Variants in FSIP1 observed in about 807,000 individuals in gnomAD.
FSIP1 encodes the protein fibrous sheath-interacting protein 1.
A neutral mutation model predicts 60.9 loss-of-function variants in FSIP1; 65 were observed. The ratio of observed to expected loss-of-function variants is 1.07; its 90% confidence interval spans 0.87 to 1.31. FSIP1 has a LOEUF of 1.31. Among genes scored for constraint, FSIP1 ranks in the 40% most tolerant of loss-of-function variants. FSIP1 has a pLI of 0.00. For synonymous variants in FSIP1, 209 were observed against 221.2 expected (o/e 0.94, Z 0.49); for missense variants, 675 against 665.5 (o/e 1.01, Z -0.16).
intron 2 of FSIP1, among the ~76,000 whole-genome samples, chr15:39,773,810 A>G (rs1018654382): frequency 6.6e-6 from 1 of 152,218 alleles, no homozygotes; most frequent in African/African-American, 2.4e-5. Context: ...CTGGAAAAGG[A>G]AAAAGAAGAG....
chr15:39,767,244 T>A (rs1229393019), intron 3 of FSIP1, among the ~76,000 whole-genome samples: 1 of 152,232 alleles, frequency 6.6e-6, no homozygotes. Flanking sequence ...TTATTGCTTA[T>A]GTACTTCAAA....
At chr15:39,612,353 G>A (rs538622870) in intron 11 of FSIP1, among the ~76,000 whole-genome samples, 1 of 152,184 alleles carries the variant, frequency 6.6e-6, no homozygotes, top group East Asian at 1.9e-4. Flanking sequence ...AAATCTTGGT[G>A]AATTCACAAA....
chr15:39,613,014 T>C (rs1469446975), intron 11 of FSIP1, among the ~76,000 whole-genome samples: 1 of 151,780 alleles, frequency 6.6e-6, no homozygotes, highest in African/African-American at 2.4e-5. Flanking sequence ...GAAAAAAATA[T>C]CAGAATATAT....
intron 5 of FSIP1, among the ~76,000 whole-genome samples, chr15:39,744,336 T>G (rs1482577943): frequency 6.6e-6 from 1 of 152,114 alleles, no homozygotes; most frequent in Non-Finnish European, 1.5e-5. Context: ...CATTGATGAT[T>G]GAGCAAGTTT....
chr15:39,603,034 A>G (rs1196585506), intron 11 of FSIP1, among the ~76,000 whole-genome samples: 1 of 152,222 alleles, frequency 6.6e-6, no homozygotes, highest in Non-Finnish European at 1.5e-5. Context: ...TGCAGAGGAC[A>G]CTACTGACAT....
chr15:39,740,525 C>T lies in FSIP1; in HGVS notation c.656-736G>A, dbSNP rs150739635. Reference sequence around the variant, plus strand: ...TTCATTAAAGCTCTGAAAATATGCACGAAGAAGGAATGTCTCCTTATACAA... The same window carrying T: ...TTCATTAAAGCTCTGAAAATATGCATGAAGAAGGAATGTCTCCTTATACAA... On this transcript the variant is annotated intron_variant, in intron 6 of 11. Transcript: ENST00000350221. Among the ~76,000 whole-genome samples, 469 of 152,202 alleles carry T rather than the reference C, an allele frequency of 3.1e-3. 2 individuals carry two copies. Among genetic ancestry groups the T allele is most frequent in the African/African-American group, 0.01 (435 of 41,530 alleles).
chr15:39,698,805 C>G, intron 10 of FSIP1, among the ~76,000 whole-genome samples: 1 of 152,170 alleles, frequency 6.6e-6, no homozygotes, highest in East Asian at 1.9e-4. Context: ...CCCAGTGCAC[C>G]AGGAGGAATG....
chr15:39,622,776 C>T (rs1297491722), intron 10 of FSIP1, among the ~76,000 whole-genome samples: 1 of 152,174 alleles, frequency 6.6e-6, no homozygotes, highest in Admixed American at 6.5e-5. Context: ...AGTGTCTAGC[C>T]ACATGGCTAC....
intron 11 of FSIP1, 52 bp downstream of exon 11, chr15:39,617,683 T>G: frequency 6.8e-7 from 1 of 1,480,796 alleles, no homozygotes; most frequent in Non-Finnish European, 9.2e-7. Context: ...TACCTTTATA[T>G]TGAGGTGCTT....
At chr15:39,649,810 C>T (rs1049771015) in intron 10 of FSIP1, among the ~76,000 whole-genome samples, 3 of 152,216 alleles carry the variant, frequency 2.0e-5, no homozygotes, top group Admixed American at 1.3e-4. Flanking sequence ...TTTATTTCCA[C>T]GTTCCCCAAC....
Position 39,726,809 on chromosome 15 carries a change from T to C in FSIP1, c.892-62A>G. On this transcript the variant is annotated intron_variant, in intron 8 of 11. Coordinates refer to ENST00000350221, the MANE Select transcript of FSIP1 (RefSeq NM_152597.5). ...CTATATTTTTGCCAAAATATACCTT[T>C]CAAGTGGCTATAACAGTGCCCAGGT... The C allele has an allele frequency of 7.1e-6, 10 of 1,407,912 alleles. 1 individual carries two copies. In the Middle Eastern group the frequency reaches 1.6e-3, roughly 229 times the overall value. The allele number at this position is 1,407,912 out of a possible 1,614,324, so 87.2% of individuals were successfully genotyped here. A position where few individuals can be genotyped will look rare whatever the true frequency, so the allele number is the denominator to read the frequency against.
chr15:39,616,583 T>C (rs529044435), intron 11 of FSIP1, among the ~76,000 whole-genome samples: 1 of 152,272 alleles, frequency 6.6e-6, no homozygotes, highest in South Asian at 2.1e-4. Flanking sequence ...AGCTAGGAAA[T>C]CACCGAAATC....
intron 10 of FSIP1, among the ~76,000 whole-genome samples, chr15:39,647,633 A>T (rs1349085229): frequency 2.0e-5 from 3 of 152,184 alleles, no homozygotes; most frequent in Non-Finnish European, 4.4e-5. Flanking sequence ...GTTTTCTAAC[A>T]GTCTCAGGAC....
At chr15:39,743,366 C>G (rs1036045075) in intron 5 of FSIP1, among the ~76,000 whole-genome samples, 3 of 152,004 alleles carry the variant, frequency 2.0e-5, no homozygotes, top group African/African-American at 7.3e-5. Context: ...TGCCATCAAT[C>G]GGCTTTGAGT....
intron 2 of FSIP1, among the ~76,000 whole-genome samples, 195 bp downstream of exon 2, chr15:39,776,204 G>GGGAT (rs1898055514): frequency 7.9e-6 from 1 of 126,892 alleles, no homozygotes; most frequent in East Asian, 2.4e-4. Flanking sequence ...GAGAGAGGGA[G>GGGAT]GGAGGGAGGG....
chr15:39,723,878 C>A (rs776444314), intron 9 of FSIP1, among the ~76,000 whole-genome samples: 44 of 152,280 alleles, frequency 2.9e-4, no homozygotes, highest in Non-Finnish European at 4.9e-4. Flanking sequence ...AAATACTTTG[C>A]CATGTTAGCA....
chr15:39,722,816 G>T (rs1313749826), intron 9 of FSIP1, among the ~76,000 whole-genome samples: 2 of 152,124 alleles, frequency 1.3e-5, no homozygotes, highest in Admixed American at 6.5e-5. Flanking sequence ...TGTAGTCCCA[G>T]CTTCTGGGGA....
intron 10 of FSIP1, among the ~76,000 whole-genome samples, chr15:39,662,926 T>C (rs1389534210): frequency 6.6e-6 from 1 of 152,138 alleles, no homozygotes; most frequent in Non-Finnish European, 1.5e-5. Context: ...CTGTCCTGTA[T>C]ATTCTATGCA....
At chr15:39,686,048 T>C (rs796098138) in intron 10 of FSIP1, among the ~76,000 whole-genome samples, 2 of 152,238 alleles carry the variant, frequency 1.3e-5, no homozygotes, top group African/African-American at 4.8e-5. Flanking sequence ...AATAACAAAT[T>C]TGGAGGATGA....
Sources: gnomAD v4.1 joint callset for allele counts (sites outside exome capture counted in the v4.1 genomes callset) on GRCh38, gnomAD v4.1.1 for gene constraint, MANE v1.5 for transcripts, NCBI Gene and HGNC (gene_info 2026-07-23, HGNC 2026-07-21) for gene names.